The following CNOT9 variants were observed in gnomAD, a reference collection of about 807,000 sequenced individuals.
CNOT9 encodes the protein RCD1 required for cell differentiation1 homolog.
Under a neutral mutation model 37.4 loss-of-function variants are expected in CNOT9, and 8 were observed. The observed-to-expected ratio is 0.21, with a 90% CI of 0.13 to 0.39. The LOEUF is 0.39. CNOT9 is among the 10% of genes least tolerant of loss of function. CNOT9 has a pLI of 1.00. For synonymous variants in CNOT9, 120 were observed against 137.6 expected (o/e 0.87, Z 0.90); for missense variants, 154 against 365.3 (o/e 0.42, Z 4.71).
intron 1 of CNOT9, among the ~76,000 whole-genome samples, chr2:218,571,039 A>T (rs943054808): frequency 6.6e-6 from 1 of 152,190 alleles, no homozygotes; most frequent in East Asian, 1.9e-4. Context: ...AGCAAACTGC[A>T]TTATTCTGAT....
chr2:218,580,475 A>T, intron 1 of CNOT9, 86 bp from the exon 2 acceptor site: 1 of 1,161,816 alleles, frequency 8.6e-7, no homozygotes, highest in East Asian at 2.6e-5. Context: ...TTCATGAAAA[A>T]TATATTTCCT....
Position 218,592,792 on chromosome 2 carries a change from T to A in CNOT9, c.731+85T>A. On this transcript the variant is annotated intron_variant, in intron 7 of 7. Transcript: ENST00000273064. This position sits in a 1 kb window ranked among gnomAD's most constrained non-coding sequence, Gnocchi z 4.1. ...TCTCATGGCATAGCTCCTGTGTCTT[T>A]AGGACAGGGAAGTGGGGATATAACT... is the stretch of plus-strand genomic sequence containing the variant. 7 of 1,074,474 alleles carry A rather than the reference T, an allele frequency of 6.5e-6. No homozygotes were observed. Among genetic ancestry groups the A allele is most frequent in the Non-Finnish European group, 8.6e-6 (6 of 696,148 alleles). 66.6% of individuals were successfully genotyped at this position (1,074,474 alleles called of 1,614,324 possible).
chr2:218,589,348 T>G (rs996534968), intron 5 of CNOT9: 1 of 152,168 alleles, frequency 6.6e-6, no homozygotes, highest in Non-Finnish European at 1.5e-5. Flanking sequence ...ATTAAATTAT[T>G]TATTTATTTA....
intron 2 of CNOT9, 184 bp downstream of exon 2, chr2:218,580,924 G>A (rs1694349866): frequency 2.0e-5 from 14 of 684,456 alleles, no homozygotes; most frequent in Non-Finnish European, 3.7e-5. Context: ...CCTTACCCAA[G>A]AGATTCAATT....
chr2:218,589,188 T>A (rs1165525801), intron 5 of CNOT9: 1 of 152,114 alleles, frequency 6.6e-6, no homozygotes, highest in Non-Finnish European at 1.5e-5. Context: ...GTATAATGAT[T>A]TTTTTGGCTT....
intron 1 of CNOT9, among the ~76,000 whole-genome samples, chr2:218,574,385 G>A (rs1694098526): frequency 3.3e-5 from 5 of 152,204 alleles, no homozygotes; most frequent in Admixed American, 1.3e-4. Flanking sequence ...ATGATTCTAT[G>A]TGTCCAGGTA....
chr2:218,575,924 G>A (rs974216989), intron 1 of CNOT9, among the ~76,000 whole-genome samples: 6 of 152,190 alleles, frequency 3.9e-5, no homozygotes, highest in African/African-American at 1.4e-4. Context: ...TCAAAGAGTT[G>A]TAGCATCTGA....
chr2:218,577,364 G>T (rs1694208367), intron 1 of CNOT9, among the ~76,000 whole-genome samples: 1 of 152,120 alleles, frequency 6.6e-6, no homozygotes, highest in African/African-American at 2.4e-5. Flanking sequence ...GCACCAAACT[G>T]CCCTCCTTTT....
At chr2:218,580,415 G>A in intron 1 of CNOT9, 146 bp from the exon 2 acceptor site, 1 of 621,060 alleles carries the variant, frequency 1.6e-6, no homozygotes, top group Non-Finnish European at 2.7e-6. Flanking sequence ...CTACCAAAGA[G>A]ATTGAATAGT....
rs116591221 is a variant in CNOT9 at position 218,592,226 on chromosome 2, T to G, written c.541-78T>G. The G allele has an allele frequency of 0.017, 18,370 of 1,056,906 alleles. 225 individuals carry two copies. Among genetic ancestry groups the G allele is most frequent in the South Asian group, 0.022 (1,655 of 73,604 alleles). 65.5% of individuals were successfully genotyped at this position (1,056,906 alleles called of 1,614,324 possible). A position where few individuals can be genotyped will look rare whatever the true frequency, so the allele number is the denominator to read the frequency against. The stretch of plus-strand genomic sequence containing the variant: ...TGCTCAATTTTCTGACTGATAGTCA[T>G]GCCTGGGAAAATGAGTAGAAAATGA... On this transcript the variant is annotated intron_variant, in intron 5 of 7. Coordinates refer to ENST00000273064, the MANE Select transcript of CNOT9 (RefSeq NM_005444.3). This position sits in a 1 kb window ranked among gnomAD's most constrained non-coding sequence, Gnocchi z 4.1.
intron 1 of CNOT9, among the ~76,000 whole-genome samples, chr2:218,573,435 C>T (rs1694066121): frequency 6.6e-6 from 1 of 152,098 alleles, no homozygotes; most frequent in Admixed American, 6.6e-5. Flanking sequence ...ATGCTGACAC[C>T]CAAATCCACG....
Position 218,581,130 on chromosome 2 carries a change from T to C in CNOT9, c.204+390T>C, listed in dbSNP as rs868817342. 18 of 278,338 alleles carry C rather than the reference T, an allele frequency of 6.5e-5. No individual in the cohort carries two copies. In the Middle Eastern group the frequency reaches 2.5e-3, roughly 38 times the overall value. The allele number at this position is 278,338 out of a possible 1,614,324, so 17.2% of individuals were successfully genotyped here. ...GGACCACAAGGTACAATATATTCTA[T>C]GGAAAAGAAATGGGTTTTTGGGTTT... On this transcript the variant is annotated intron_variant, in intron 2 of 7. Transcript: ENST00000273064.
intron 2 of CNOT9, chr2:218,581,214 A>C (rs1359122052): frequency 3.6e-6 from 1 of 279,458 alleles, no homozygotes; most frequent in African/African-American, 2.3e-5. Flanking sequence ...TGTCGCCCAG[A>C]CTAGAGTGCA....
At chr2:218,570,259 T>C (rs572324342) in intron 1 of CNOT9, among the ~76,000 whole-genome samples, 3 of 152,310 alleles carry the variant, frequency 2.0e-5, no homozygotes, top group South Asian at 2.1e-4. Context: ...TTAAGGAAAG[T>C]AATGTACTGA....
intron 1 of CNOT9, among the ~76,000 whole-genome samples, chr2:218,575,475 C>T (rs1038258337): frequency 1.4e-5 from 2 of 143,546 alleles, no homozygotes; most frequent in East Asian, 3.9e-4. Flanking sequence ...GTGCAATCTC[C>T]GCTCACTGCA....
At chr2:218,569,172 C>G (rs1693858329) in intron 1 of CNOT9, among the ~76,000 whole-genome samples, 194 bp downstream of exon 1, 1 of 152,224 alleles carries the variant, frequency 6.6e-6, no homozygotes. Flanking sequence ...GGACGCCTCT[C>G]GCGGCCTTCA....
At chr2:218,583,260 TCTCTC>T (rs1694477512) in intron 3 of CNOT9, among the ~76,000 whole-genome samples, 174 bp downstream of exon 3, 1 of 134,974 alleles carries the variant, frequency 7.4e-6, no homozygotes, top group African/African-American at 3.4e-5. Context: ...TCTCTCTCTC[TCTCTC>T]TCTCTCTCTC....
intron 4 of CNOT9, 107 bp downstream of exon 4, chr2:218,584,828 T>C: frequency 2.5e-6 from 2 of 804,892 alleles, no homozygotes; most frequent in Non-Finnish European, 4.4e-6. Context: ...CATTCATTTT[T>C]GTCTTTGAGG....
intron 1 of CNOT9, among the ~76,000 whole-genome samples, chr2:218,578,566 ACTTCATAC>A (rs897196700): frequency 2.0e-5 from 3 of 152,188 alleles, no homozygotes; most frequent in Admixed American, 6.6e-5. Context: ...GGAATATGCA[ACTTCATAC>A]CTTCATACCT....
Sources: allele counts gnomAD v4.1 joint callset (sites outside exome capture counted in the v4.1 genomes callset), GRCh38; gene constraint gnomAD v4.1.1; non-coding constraint Gnocchi (gnomAD v3.1); transcripts MANE v1.5; gene names NCBI Gene and HGNC (gene_info 2026-07-23, HGNC 2026-07-21).